P2RY12: variants seen among roughly 807,000 people sequenced by gnomAD.
The protein encoded by P2RY12 is purinergic receptor P2Y12.
P2RY12 carries 3 observed loss-of-function variants against 4.5 expected under a neutral mutation model. The ratio of observed to expected loss-of-function variants is 0.67; its 90% CI spans 0.31 to 1.74. The LOEUF is 1.74. Among genes scored for constraint, P2RY12 ranks in the 40% most tolerant of loss-of-function variants. P2RY12 has a pLI of 0.09. For synonymous variants in P2RY12, 148 were observed against 154.1 expected (o/e 0.96, Z 0.29); for missense variants, 356 against 407.8 (o/e 0.87, Z 1.09).
At chr3:151,375,970 C>CATATATACATAT in intron 1 of P2RY12, 1 of 811,842 alleles carries the variant, frequency 1.2e-6, no homozygotes. Context: ...GTACATATTG[C>CATATATACATAT]ATATATATAT....
intron 1 of P2RY12, chr3:151,375,973 A>ATATATATATATATC: frequency 1.1e-6 from 1 of 940,944 alleles, no homozygotes; most frequent in Non-Finnish European, 1.5e-6. Flanking sequence ...CATATTGCAT[A>ATATATATATATATC]TATATATACC....
Position 151,350,166 on chromosome 3 carries a change from C to A in P2RY12, c.-179-9406G>T, listed in dbSNP as rs569897717. The A allele has an allele frequency of 3.6e-5, 58 of 1,613,596 alleles. No homozygotes were observed. In the South Asian group the frequency reaches 6.2e-4, roughly 17 times the overall value. ...AGCTGAAGAAGATTACCAAAGATAT[C>A]CTGAAAATTCTAAATAAGAAGAGCA... On this transcript the variant is annotated intron_variant, in intron 1 of 2. Coordinates refer to ENST00000302632, the MANE Select transcript of P2RY12 (RefSeq NM_022788.5).
intron 1 of P2RY12, chr3:151,365,896 A>G: frequency 6.2e-7 from 1 of 1,613,532 alleles, no homozygotes; most frequent in Non-Finnish European, 8.5e-7. Context: ...GGCTTGCTGC[A>G]CTGTTCTTAG....
intron 1 of P2RY12, among the ~76,000 whole-genome samples, chr3:151,363,030 A>T (rs1398874219): frequency 6.6e-6 from 1 of 152,038 alleles, no homozygotes; most frequent in Non-Finnish European, 1.5e-5. Context: ...AGCCTATTTG[A>T]CCCTTAATAC....
At chr3:151,381,505 G>C (rs1486620069) in intron 1 of P2RY12, among the ~76,000 whole-genome samples, 1 of 152,120 alleles carries the variant, frequency 6.6e-6, no homozygotes, top group Non-Finnish European at 1.5e-5. Flanking sequence ...TCTTGAACTT[G>C]CTGAGCAAAT....
At chr3:151,368,126 G>A (rs1755515448) in intron 1 of P2RY12, 7 of 1,596,058 alleles carry the variant, frequency 4.4e-6, no homozygotes, top group Non-Finnish European at 5.2e-6. Context: ...TAGAAAACTT[G>A]CTTTTCCAAT....
intron 1 of P2RY12, among the ~76,000 whole-genome samples, chr3:151,362,232 T>TA (rs1197730111): frequency 1.3e-5 from 2 of 151,982 alleles, no homozygotes; most frequent in Admixed American, 1.3e-4. Flanking sequence ...CAACATCCAC[T>TA]AAAGTGATCC....
At chr3:151,346,031 T>C (rs1271588149) in intron 1 of P2RY12, among the ~76,000 whole-genome samples, 1 of 152,192 alleles carries the variant, frequency 6.6e-6, no homozygotes, top group Non-Finnish European at 1.5e-5. Flanking sequence ...CACTACGTGC[T>C]GCTTTTGCTT....
chr3:151,368,737 T>TCATTTCATTTCATG (rs1560087994), intron 1 of P2RY12, among the ~76,000 whole-genome samples: 1 of 77,158 alleles, frequency 1.3e-5, no homozygotes, highest in Non-Finnish European at 2.7e-5. Flanking sequence ...TTCATTTCAT[T>TCATTTCATTTCATG]TCATTTCATT....
chr3:151,382,521 C>A, intron 1 of P2RY12: 2 of 526,010 alleles, frequency 3.8e-6, no homozygotes, highest in African/African-American at 2.0e-5. Flanking sequence ...AAGAAGAAAG[C>A]TAAAATTTTA....
At chr3:151,378,324 T>C (rs12497065) in intron 1 of P2RY12, 257,009 of 779,478 alleles carry the variant, frequency 0.33, 46,721 homozygotes, top group Non-Finnish European at 0.36. Context: ...CAAGGCTGTC[T>C]TATTCCTAAA....
chr3:151,379,261 T>TACTCTTCA (rs1711784183), intron 1 of P2RY12, among the ~76,000 whole-genome samples: 1 of 152,202 alleles, frequency 6.6e-6, no homozygotes, highest in East Asian at 1.9e-4. Context: ...GCAGGACAGA[T>TACTCTTCA]GGTATTGAAG....
chr3:151,372,490 C>A, intron 1 of P2RY12: 1 of 1,027,392 alleles, frequency 9.7e-7, no homozygotes, highest in Middle Eastern at 2.0e-4. Context: ...TCCCTGAATG[C>A]TATCCTCATT....
At chr3:151,346,326 A>G (rs1752530807) in intron 1 of P2RY12, among the ~76,000 whole-genome samples, 1 of 152,122 alleles carries the variant, frequency 6.6e-6, no homozygotes, top group African/African-American at 2.4e-5. Context: ...TTTATTTGAA[A>G]GATAGGTCTG....
At chr3:151,341,676 A>T (rs1229303372) in intron 1 of P2RY12, among the ~76,000 whole-genome samples, 1 of 151,868 alleles carries the variant, frequency 6.6e-6, no homozygotes, top group African/African-American at 2.4e-5. Flanking sequence ...TGCTACACCC[A>T]TTAACTCGTC....
chr3:151,352,927 A>C (rs2150033761), intron 1 of P2RY12, among the ~76,000 whole-genome samples: 1 of 152,338 alleles, frequency 6.6e-6, no homozygotes, highest in East Asian at 1.9e-4. Flanking sequence ...TAACATAAGA[A>C]AGATGAGGAA....
chr3:151,365,986 G>A, intron 1 of P2RY12: 1 of 1,552,510 alleles, frequency 6.4e-7, no homozygotes, highest in East Asian at 2.3e-5. Flanking sequence ...ACTTTGCACT[G>A]TAGATGTAAG....
At chr3:151,355,111 G>A in intron 1 of P2RY12, 1 of 1,596,814 alleles carries the variant, frequency 6.3e-7, no homozygotes, top group South Asian at 1.1e-5. Context: ...TCTGCTTTAT[G>A]TTTATGTAGT....
intron 1 of P2RY12, chr3:151,372,482 C>T (rs1448195565): frequency 1.0e-6 from 1 of 959,392 alleles, no homozygotes; most frequent in Non-Finnish European, 1.7e-6. Flanking sequence ...ATTTTAAATC[C>T]CTGAATGCTA....
Sources: gnomAD v4.1 joint callset for allele counts (sites outside exome capture counted in the v4.1 genomes callset) on GRCh38, gnomAD v4.1.1 for gene constraint, MANE v1.5 for transcripts, NCBI Gene and HGNC (gene_info 2026-07-23, HGNC 2026-07-21) for gene names.